ZNF98: variants seen among roughly 807,000 people sequenced by gnomAD.
ZNF98 encodes the protein zinc finger protein 739.
A neutral mutation model predicts 12.8 loss-of-function variants in ZNF98; 8 were observed. The observed-to-expected ratio is 0.63, with a 90% CI of 0.37 to 1.13. The LOEUF (loss-of-function observed/expected upper bound fraction) is 1.13, where lower values mean the gene tolerates loss of function less well. ZNF98 is among the 50% of genes most tolerant of loss of function. The pLI, the probability that ZNF98 is intolerant of heterozygous loss-of-function variation, is 0.01. For missense variants in ZNF98, 379 were observed against 666.1 expected (o/e 0.57, Z 4.74); for synonymous variants, 112 against 223.5 (o/e 0.50, Z 4.45).
intron 1 of ZNF98, among the ~76,000 whole-genome samples, chr19:22,413,793 C>T (rs1233708286): frequency 2.1e-5 from 3 of 139,984 alleles, no homozygotes; most frequent in Admixed American, 7.9e-5. Context: ...CGCTTGAACC[C>T]GGGAGGCAGA....
intron 3 of ZNF98, among the ~76,000 whole-genome samples, chr19:22,394,390 C>T (rs13382173): frequency 0.015 from 2,227 of 152,138 alleles, 46 homozygotes; most frequent in African/African-American, 0.05. Flanking sequence ...TGCACACGTA[C>T]ATTTATTGCG....
rs948634709 is a variant in ZNF98, at chr19:22,391,386, A to C, written c.*130T>G. 57 of 1,463,712 alleles carry C rather than the reference A, an allele frequency of 3.9e-5. No individual in the cohort carries two copies. The highest frequency in any genetic ancestry group is 5.1e-5 in the Non-Finnish European group (56 of 1,108,300). 90.7% of individuals were successfully genotyped at this position (1,463,712 alleles called of 1,614,324 possible). A position where few individuals can be genotyped will look rare whatever the true frequency, so the allele number is the denominator to read the frequency against. On this transcript the variant is annotated 3_prime_UTR_variant, in exon 4 of 4. Transcript: ENST00000357774. ...ATCAAGTATAAAGGCTTTCCTGTGC[A>C]ATAAGGTTTGAGCATTGTGTAAGTT...
chr19:22,409,253 C>G (rs982037405), intron 1 of ZNF98, among the ~76,000 whole-genome samples: 7 of 152,162 alleles, frequency 4.6e-5, no homozygotes, highest in African/African-American at 1.7e-4. Flanking sequence ...AAAACTGAAA[C>G]TGGACCTCTT....
intron 3 of ZNF98, among the ~76,000 whole-genome samples, chr19:22,397,212 T>TTTTTG (rs368992859): frequency 4.1e-5 from 6 of 145,324 alleles, no homozygotes; most frequent in East Asian, 2.0e-4. Context: ...GTGTGTGTTT[T>TTTTTG]TGTGTGTGTG....
intron 1 of ZNF98, among the ~76,000 whole-genome samples, chr19:22,411,114 C>G (rs1202703078): frequency 6.6e-6 from 1 of 152,186 alleles, no homozygotes; most frequent in Non-Finnish European, 1.5e-5. Flanking sequence ...GAGATCTGCA[C>G]TTACTGCAAC....
intron 1 of ZNF98, among the ~76,000 whole-genome samples, chr19:22,419,006 C>T (rs1370866735): frequency 6.6e-6 from 1 of 152,146 alleles, no homozygotes; most frequent in East Asian, 1.9e-4. Flanking sequence ...GAAATACAAC[C>T]GCATTTTATG....
chr19:22,415,956 G>GACACAC (rs71180550), intron 1 of ZNF98, among the ~76,000 whole-genome samples: 13,898 of 111,202 alleles, frequency 0.12, 1,074 homozygotes, highest in Middle Eastern at 0.17. Flanking sequence ...AAAAACTACA[G>GACACAC]ACACACACAC....
chr19:22,393,653 T>C (rs980922591), intron 3 of ZNF98, among the ~76,000 whole-genome samples: 22 of 151,978 alleles, frequency 1.4e-4, no homozygotes, highest in African/African-American at 5.3e-4. Flanking sequence ...TGAAACTGGA[T>C]CCCTTCCTTA....
chr19:22,419,825 T>C (rs1327394892), intron 1 of ZNF98, among the ~76,000 whole-genome samples: 1 of 152,102 alleles, frequency 6.6e-6, no homozygotes, highest in Non-Finnish European at 1.5e-5. Context: ...AACAGAGATA[T>C]TCACTGTCAC....
intron 1 of ZNF98, among the ~76,000 whole-genome samples, chr19:22,403,818 A>G (rs1005342953): frequency 2.6e-5 from 4 of 152,274 alleles, no homozygotes; most frequent in African/African-American, 4.8e-5. Context: ...ATCATACAGA[A>G]TAAGTTGTGT....
At chr19:22,417,985 C>T (rs1446330588) in intron 1 of ZNF98, among the ~76,000 whole-genome samples, 1 of 152,132 alleles carries the variant, frequency 6.6e-6, no homozygotes, top group Admixed American at 6.6e-5. Context: ...GCCTCCCATT[C>T]CCAGACACCC....
intron 1 of ZNF98, among the ~76,000 whole-genome samples, chr19:22,406,911 GA>G (rs1422753189): frequency 1.3e-5 from 2 of 152,180 alleles, no homozygotes; most frequent in African/African-American, 4.8e-5. Context: ...CAAGGGTGCA[GA>G]ACTGGATGGA....
chr19:22,406,475 T>C (rs187103487), intron 1 of ZNF98, among the ~76,000 whole-genome samples: 17 of 151,938 alleles, frequency 1.1e-4, no homozygotes, highest in African/African-American at 4.1e-4. Flanking sequence ...GTCAGCAGCC[T>C]CAAAGATCAA....
At chr19:22,418,471 A>C (rs776718405) in intron 1 of ZNF98, among the ~76,000 whole-genome samples, 21 of 152,244 alleles carry the variant, frequency 1.4e-4, no homozygotes, top group Non-Finnish European at 2.2e-4. Context: ...TGTTCTCCAG[A>C]AACAGTTTAT....
At chr19:22,398,305 A>T (rs1447133772) in intron 3 of ZNF98, among the ~76,000 whole-genome samples, 1 of 152,082 alleles carries the variant, frequency 6.6e-6, no homozygotes, top group Non-Finnish European at 1.5e-5. Flanking sequence ...TAGTTGTTTA[A>T]TGTGTATTGT....
At position 22,392,712 on chromosome 19, in the gene ZNF98, C is replaced by T. The variant is rs374921508; in HGVS notation, c.523G>A (p.Gly175Arg). The change falls in exon 4 of 4, where the codon GGA becomes AGA. Residue 175 changes from glycine to arginine, a missense_variant. This residue lies in a region of ZNF98 where 223 missense variants were observed against 261.6 expected (regional missense o/e 0.85). Transcript: ENST00000357774. ...KFSNSNRHKI[G>R]HTGKKSFKCK... ...TTGAAAGATTTCTTTCCAGTATGTC[C>T]TATCTTATGTCTGTTTGAATTTGAA... 23 of 1,604,242 alleles carry T rather than the reference C, an allele frequency of 1.4e-5. No homozygotes were observed. The East Asian group carries it at 4.0e-4, about 28-fold the overall frequency.
chr19:22,421,732 T>C lies in ZNF98; in HGVS notation c.30+463A>G, dbSNP rs887800891. On this transcript the variant is annotated intron_variant, in intron 1 of 3. Coordinates refer to ENST00000357774, the MANE Select transcript of ZNF98 (RefSeq NM_001098626.2). ...CCCATAGCTGGGAGCTCTACAATTT[T>C]TGAACCGCTCCTTGTTTAAATTCTT... Among the ~76,000 whole-genome samples the C allele has an allele frequency of 1.6e-4, 25 of 152,338 alleles. 1 individual carries two copies. The highest frequency in any genetic ancestry group is 5.5e-4 in the African/African-American group (23 of 41,588).
intron 1 of ZNF98, among the ~76,000 whole-genome samples, chr19:22,421,122 T>A (rs1969699175): frequency 6.6e-6 from 1 of 152,178 alleles, no homozygotes; most frequent in African/African-American, 2.4e-5. Flanking sequence ...TTTTTAAACC[T>A]CCCACAGAAT....
chr19:22,412,034 A>C (rs1474103501), intron 1 of ZNF98, among the ~76,000 whole-genome samples: 2 of 152,242 alleles, frequency 1.3e-5, no homozygotes, highest in African/African-American at 4.8e-5. Context: ...AAAATTAACA[A>C]AGATATTAAG....
Sources: gnomAD v4.1 joint callset for allele counts (sites outside exome capture counted in the v4.1 genomes callset) on GRCh38, gnomAD v4.1.1 for gene constraint, gnomAD v4.1.1 regional missense constraint, MANE v1.5 for transcripts, NCBI Gene and HGNC (gene_info 2026-07-23, HGNC 2026-07-21) for gene names.